The following FGF14 variants were observed in gnomAD, a reference collection of about 807,000 sequenced individuals.
FGF14 encodes fibroblast growth factor 14.
Under a neutral mutation model 25.5 loss-of-function variants are expected in FGF14, and 5 were observed. That is an observed-to-expected ratio of 0.20 (90% CI 0.10 to 0.41). The LOEUF is 0.41. Among genes scored for constraint, FGF14 ranks in the 10% least tolerant of loss-of-function variants. The pLI is 1.00. For synonymous variants in FGF14, 138 were observed against 118.3 expected, an observed-to-expected ratio of 1.17 and a Z score of -1.08; for missense variants, 222 against 320.1, an observed-to-expected ratio of 0.69 and a Z score of 2.34.
chr13:101,819,397 C>T (rs1277069045), intron 3 of FGF14, among the ~76,000 whole-genome samples: 2 of 152,124 alleles, frequency 1.3e-5, no homozygotes, highest in South Asian at 2.1e-4. Context: ...TGTGATAACC[C>T]GGTTAGCAGT....
intron 3 of FGF14, among the ~76,000 whole-genome samples, chr13:101,792,831 G>A (rs1158201886): frequency 2.0e-5 from 3 of 152,180 alleles, no homozygotes; most frequent in Middle Eastern, 3.4e-3. Flanking sequence ...TTGGAGCTGA[G>A]TAGAACCTGG....
At chr13:101,970,010 C>A (rs1412380294) in intron 1 of FGF14, among the ~76,000 whole-genome samples, 2 of 152,206 alleles carry the variant, frequency 1.3e-5, no homozygotes, top group Non-Finnish European at 2.9e-5. Context: ...TTATAGCAAT[C>A]TCTTAATCTC....
chr13:102,219,792 T>C (rs2050529060), intron 1 of FGF14, among the ~76,000 whole-genome samples: 1 of 152,196 alleles, frequency 6.6e-6, no homozygotes, highest in African/African-American at 2.4e-5. Flanking sequence ...GCCTGAGACA[T>C]GTTCAGAGCT....
intron 1 of FGF14, among the ~76,000 whole-genome samples, chr13:101,984,161 C>A (rs1008715675): frequency 1.3e-5 from 2 of 152,038 alleles, no homozygotes; most frequent in Non-Finnish European, 2.9e-5. Flanking sequence ...AATATGCGCT[C>A]GAAAATGTGA....
chr13:101,863,229 A>G (rs2044517538), intron 3 of FGF14, among the ~76,000 whole-genome samples: 1 of 152,134 alleles, frequency 6.6e-6, no homozygotes, highest in African/African-American at 2.4e-5. Context: ...TAAAGAATAA[A>G]ATAATTTCCA....
At chr13:102,200,974 C>A (rs372784743) in intron 1 of FGF14, among the ~76,000 whole-genome samples, 1 of 151,570 alleles carries the variant, frequency 6.6e-6, no homozygotes, top group Non-Finnish European at 1.5e-5. Flanking sequence ...TGGTGGGGGG[C>A]GCCTGTAGTC....
intron 1 of FGF14, among the ~76,000 whole-genome samples, chr13:101,950,651 G>A (rs2036099849): frequency 6.6e-6 from 1 of 152,052 alleles, no homozygotes. Flanking sequence ...TCGTTCAAAG[G>A]GAAAAGCTAG....
At chr13:101,855,025 A>G (rs759434231) in intron 3 of FGF14, among the ~76,000 whole-genome samples, 2 of 151,952 alleles carry the variant, frequency 1.3e-5, no homozygotes, top group Non-Finnish European at 2.9e-5. Context: ...TTATTAGTTC[A>G]TGATTATATA....
At chr13:102,241,676 T>C (rs1265280493) in intron 1 of FGF14, among the ~76,000 whole-genome samples, 1 of 152,094 alleles carries the variant, frequency 6.6e-6, no homozygotes, top group Non-Finnish European at 1.5e-5. Context: ...AAAAAACCCT[T>C]TCCATGAGTA....
chr13:101,943,828 T>TATATATATATATATACACAC (rs2035620418), intron 1 of FGF14, among the ~76,000 whole-genome samples: 5 of 133,926 alleles, frequency 3.7e-5, no homozygotes, highest in African/African-American at 1.5e-4. Flanking sequence ...AAAAAAAAAA[T>TATATATATATATATACACAC]ATATATATAT....
At chr13:101,934,991 C>T (rs552137282) in intron 1 of FGF14, among the ~76,000 whole-genome samples, 1 of 152,252 alleles carries the variant, frequency 6.6e-6, no homozygotes, top group Non-Finnish European at 1.5e-5. Context: ...ATTGTATTGG[C>T]TCCTAGAACT....
chr13:102,153,369 A>G (rs1175127097), intron 1 of FGF14, among the ~76,000 whole-genome samples: 1 of 152,208 alleles, frequency 6.6e-6, no homozygotes, highest in Non-Finnish European at 1.5e-5. Flanking sequence ...AATAGAAAGA[A>G]CTTGATTCTT....
chr13:102,155,342 A>C (rs1342577609), intron 1 of FGF14, among the ~76,000 whole-genome samples: 7 of 152,354 alleles, frequency 4.6e-5, no homozygotes, highest in Admixed American at 6.5e-5. Context: ...TCAAACTAGA[A>C]CTCAGGATTA....
chr13:102,279,587 C>T (rs536261485), intron 1 of FGF14, among the ~76,000 whole-genome samples: 1 of 152,184 alleles, frequency 6.6e-6, no homozygotes, highest in East Asian at 1.9e-4. Flanking sequence ...TTCTAGTAAA[C>T]GTATGCCAGG....
intron 1 of FGF14, among the ~76,000 whole-genome samples, chr13:102,300,957 A>G (rs2138567735): frequency 6.8e-6 from 1 of 146,644 alleles, no homozygotes; most frequent in African/African-American, 2.5e-5. Context: ...ACACACACAC[A>G]CACACACGTT....
At position 102,400,755 on chromosome 13, in the gene FGF14, G is replaced by C. The variant is rs893436744; in HGVS notation, c.208+716C>G. Among the ~76,000 whole-genome samples, 13 of 152,148 alleles carry C rather than the reference G, an allele frequency of 8.5e-5. No homozygotes were observed. Among genetic ancestry groups the C allele is most frequent in the Non-Finnish European group, 1.9e-4 (13 of 68,016 alleles). On this transcript the variant is annotated intron_variant, in intron 1 of 4. Transcript: ENST00000376131. The surrounding 1 kb of genome is among the most constrained non-coding windows in gnomAD (Gnocchi z 4.3). ...CTGGCCCTGTGGGACCCCGACGCAG[G>C]GCTTTGACACCGCTTTCTAAAGGGG... is the stretch of plus-strand genomic sequence containing the variant.
At chr13:101,901,808 T>A (rs1319708942) in intron 1 of FGF14, among the ~76,000 whole-genome samples, 1 of 152,144 alleles carries the variant, frequency 6.6e-6, no homozygotes, top group Non-Finnish European at 1.5e-5. Context: ...CTACCATAGA[T>A]TATATGACCC....
At chr13:102,019,055 TC>T (rs1222969984) in intron 1 of FGF14, among the ~76,000 whole-genome samples, 1 of 152,150 alleles carries the variant, frequency 6.6e-6, no homozygotes, top group Non-Finnish European at 1.5e-5. Flanking sequence ...AAGTTTCAAC[TC>T]ATTGTAGACA....
At chr13:102,017,668 G>A (rs2040418925) in intron 1 of FGF14, among the ~76,000 whole-genome samples, 1 of 152,070 alleles carries the variant, frequency 6.6e-6, no homozygotes, top group African/African-American at 2.4e-5. Flanking sequence ...CTTTAGTTCT[G>A]CAAAGTTTTC....
Sources: allele counts gnomAD v4.1 joint callset (sites outside exome capture counted in the v4.1 genomes callset), GRCh38; gene constraint gnomAD v4.1.1; non-coding constraint Gnocchi (gnomAD v3.1); transcripts MANE v1.5; gene names NCBI Gene and HGNC (gene_info 2026-07-23, HGNC 2026-07-21).